EDA: variants seen among roughly 807,000 people sequenced by gnomAD.
The protein encoded by EDA is ectodysplasin-A.
A neutral mutation model predicts 23.6 loss-of-function variants in EDA; 2 were observed. The observed-to-expected ratio is 0.08, with a 90% CI of 0.03 to 0.27. EDA has a LOEUF of 0.27. Ranked by LOEUF, EDA falls within the 10% of genes least tolerant of loss-of-function variation. The pLI, the probability that EDA is intolerant of heterozygous loss-of-function variation, is 1.00. For missense variants in EDA, 229 were observed against 324.2 expected (o/e 0.71, Z 2.26); for synonymous variants, 131 against 132.0 (o/e 0.99, Z 0.05).
At chrX:69,894,386 C>T (rs1408819793) in intron 1 of EDA, among the ~76,000 whole-genome samples, 2 of 111,500 alleles carry the variant, frequency 1.8e-5, no homozygotes, top group East Asian at 2.8e-4. Flanking sequence ...GTTGGCTATT[C>T]GAGCTCCTTT....
At chrX:69,993,646 G>T (rs1334563560) in intron 2 of EDA, among the ~76,000 whole-genome samples, 1 of 111,940 alleles carries the variant, frequency 8.9e-6, no homozygotes, top group Non-Finnish European at 1.9e-5. Flanking sequence ...GCCCTGAACT[G>T]AGGAAGATGT....
chrX:69,754,209 G>T (rs1483894779), intron 1 of EDA, among the ~76,000 whole-genome samples: 4 of 111,980 alleles, frequency 3.6e-5, no homozygotes, highest in African/African-American at 1.3e-4. Flanking sequence ...GGCTGGTACT[G>T]GTTGTTCCTT....
intron 1 of EDA, chrX:69,729,023 G>T (rs1207883496): frequency 9.0e-6 from 1 of 111,649 alleles, no homozygotes; most frequent in Non-Finnish European, 1.9e-5. Context: ...GGTGGAAATT[G>T]ATGCAGAGAT....
At chrX:69,913,756 A>T (rs753063402) in intron 1 of EDA, among the ~76,000 whole-genome samples, 12 of 111,730 alleles carry the variant, frequency 1.1e-4, no homozygotes, top group Non-Finnish European at 1.9e-4. Flanking sequence ...CACTAAACTT[A>T]ACGATTTCTA....
At chrX:69,737,786 TG>T (rs1348070644) in intron 1 of EDA, among the ~76,000 whole-genome samples, 2 of 111,557 alleles carry the variant, frequency 1.8e-5, no homozygotes, top group African/African-American at 6.5e-5. Context: ...TTTGTTTGCC[TG>T]AAAAGGTCTT....
At chrX:69,666,980 CT>C (rs1206131489) in intron 1 of EDA, among the ~76,000 whole-genome samples, 2 of 111,029 alleles carry the variant, frequency 1.8e-5, no homozygotes, top group Admixed American at 9.6e-5. Flanking sequence ...TGTTATTAGT[CT>C]GTTCAAGCTT....
chrX:70,026,954 C>G (rs932777711), intron 3 of EDA, among the ~76,000 whole-genome samples: 2 of 110,909 alleles, frequency 1.8e-5, no homozygotes, highest in African/African-American at 6.6e-5. Flanking sequence ...TCCCAACCCC[C>G]ATTTCCTGTA....
At chrX:69,681,740 T>G (rs1934360726) in intron 1 of EDA, among the ~76,000 whole-genome samples, 1 of 110,663 alleles carries the variant, frequency 9.0e-6, no homozygotes, top group Non-Finnish European at 1.9e-5. Flanking sequence ...TTTTTCAAAG[T>G]TTTCAACTTC....
intron 1 of EDA, among the ~76,000 whole-genome samples, chrX:69,703,748 G>A (rs1438118204): frequency 8.9e-6 from 1 of 112,052 alleles, no homozygotes; most frequent in Non-Finnish European, 1.9e-5. Context: ...GTTGGTGGAA[G>A]TGGTCTTGCG....
rs533655797 is a variant in EDA at position 69,956,271 on chromosome X, T to TTTTCTTTCTTTC, written c.397-726_397-715dup. On this transcript the variant is annotated intron_variant, in intron 1 of 7. Coordinates refer to ENST00000374552, the MANE Select transcript of EDA (RefSeq NM_001399.5). ...CCAATGGGGAGCAGCAAATTCAAGG[T>TTTTCTTTCTTTC]TTTCTTTCTTTCTTTCTTTCTTTCT... Among the ~76,000 whole-genome samples the TTTTCTTTCTTTC allele has an allele frequency of 3.9e-3, 313 of 81,195 alleles. 2 individuals carry two copies. Among genetic ancestry groups the TTTTCTTTCTTTC allele is most frequent in the African/African-American group, 9.8e-3 (239 of 24,476 alleles). 70.5% of individuals were successfully genotyped at this position (81,195 alleles called of 115,157 possible). A position where few individuals can be genotyped will look rare whatever the true frequency, so the allele number is the denominator to read the frequency against.
rs1185494440 is a variant in EDA, at chrX:69,876,873, T to A, written c.397-80154T>A. Among the ~76,000 whole-genome samples the A allele has an allele frequency of 2.7e-5, 3 of 112,907 alleles. No homozygotes were observed. The East Asian group carries it at 8.2e-4, about 31-fold the overall frequency. On this transcript the variant is annotated intron_variant, in intron 1 of 7. Coordinates refer to ENST00000374552, the MANE Select transcript of EDA (RefSeq NM_001399.5). ...TTTAGATTGTTTCCAGTTTTTATGATTATGAATAAAACTGTTATAAACATT... is the reference window on the plus strand; with the variant it reads ...TTTAGATTGTTTCCAGTTTTTATGAATATGAATAAAACTGTTATAAACATT...
Position 69,764,491 on chromosome X carries a change from C to T in EDA, c.396+147787C>T, listed in dbSNP as rs761788176. Among the ~76,000 whole-genome samples, 42 of 109,101 alleles carry T rather than the reference C, an allele frequency of 3.8e-4. 2 individuals are homozygous for T. Among genetic ancestry groups the T allele is most frequent in the South Asian group, 2.0e-3 (5 of 2,448 alleles). The allele number at this position is 109,101 out of a possible 115,157, so 94.7% of individuals were successfully genotyped here. A position where few individuals can be genotyped will look rare whatever the true frequency, so the allele number is the denominator to read the frequency against. ...CTCCTGATCTCAAGTGATCCACCCG[C>T]CTCTCCCTCCCAAAGTGCTGGGATT... On this transcript the variant is annotated intron_variant, in intron 1 of 7. Transcript: ENST00000374552.
intron 1 of EDA, among the ~76,000 whole-genome samples, chrX:69,782,383 A>AC (rs1242481365): frequency 3.9e-4 from 41 of 104,445 alleles, no homozygotes; most frequent in Non-Finnish European, 7.0e-4. Context: ...AAAAAAAAAA[A>AC]AAAAAAAAAC....
At chrX:70,019,694 G>A (rs1358403067) in intron 2 of EDA, among the ~76,000 whole-genome samples, 1 of 112,068 alleles carries the variant, frequency 8.9e-6, no homozygotes, top group Non-Finnish European at 1.9e-5. Context: ...GCTACACATT[G>A]AATACATATG....
intron 1 of EDA, among the ~76,000 whole-genome samples, chrX:69,912,768 T>C (rs2018285311): frequency 1.7e-5 from 1 of 58,301 alleles, no homozygotes; most frequent in Non-Finnish European, 3.2e-5. Flanking sequence ...CTTTTTCTTT[T>C]CTTTTTTTTT....
intron 1 of EDA, among the ~76,000 whole-genome samples, chrX:69,782,295 T>G (rs2147447660): frequency 9.4e-6 from 1 of 106,190 alleles, no homozygotes; most frequent in East Asian, 3.0e-4. Context: ...TGCACAAAAC[T>G]TAATTATTTT....
chrX:69,820,256 A>C (rs2016186442), intron 1 of EDA, among the ~76,000 whole-genome samples: 1 of 112,337 alleles, frequency 8.9e-6, no homozygotes, highest in African/African-American at 3.2e-5. Flanking sequence ...AGATGAATTA[A>C]AGACTTAAAT....
At chrX:69,757,401 G>A (rs1466314218) in intron 1 of EDA, among the ~76,000 whole-genome samples, 1 of 111,677 alleles carries the variant, frequency 9.0e-6, no homozygotes, top group Non-Finnish European at 1.9e-5. Flanking sequence ...CCAAGGTTAA[G>A]CATTAGTTGA....
At chrX:69,709,779 G>T (rs1398940531) in intron 1 of EDA, among the ~76,000 whole-genome samples, 5 of 112,139 alleles carry the variant, frequency 4.5e-5, no homozygotes, top group Admixed American at 1.9e-4. Context: ...ATAGGCATGG[G>T]CCATCACTCC....
Sources: gnomAD v4.1 joint callset for allele counts (sites outside exome capture counted in the v4.1 genomes callset) on GRCh38, gnomAD v4.1.1 for gene constraint, MANE v1.5 for transcripts, NCBI Gene and HGNC (gene_info 2026-07-23, HGNC 2026-07-21) for gene names.